HTATIP2: variants seen among roughly 807,000 people sequenced by gnomAD.
HTATIP2 encodes protein HTATIP2.
In HTATIP2, 26 loss-of-function variants were observed where a neutral mutation model predicts 24.7. That is an observed-to-expected ratio of 1.05 (90% CI 0.77 to 1.46). The LOEUF is 1.46. HTATIP2 is among the 40% of genes most tolerant of loss of function. The pLI, the probability that HTATIP2 is intolerant of heterozygous loss-of-function variation, is 0.00. For synonymous variants in HTATIP2, 99 were observed against 113.2 expected, an observed-to-expected ratio of 0.87 and a Z score of 0.79; for missense variants, 284 against 289.6, an observed-to-expected ratio of 0.98 and a Z score of 0.14.
intron 2 of HTATIP2, among the ~76,000 whole-genome samples, chr11:20,369,595 C>T (rs1278300732): frequency 6.6e-6 from 1 of 152,186 alleles, no homozygotes; most frequent in African/African-American, 2.4e-5. Context: ...CTTGAGTTTC[C>T]AGGCCCTCTC....
chr11:20,377,725 C>A (rs1052298172), intron 3 of HTATIP2, among the ~76,000 whole-genome samples: 9 of 152,210 alleles, frequency 5.9e-5, no homozygotes, highest in Non-Finnish European at 1.3e-4. Flanking sequence ...TATTTTGGGT[C>A]AGATCTACTT....
intron 2 of HTATIP2, among the ~76,000 whole-genome samples, chr11:20,368,197 T>C (rs7103934): frequency 6.6e-6 from 1 of 151,138 alleles, no homozygotes; most frequent in Non-Finnish European, 1.5e-5. Context: ...AAAGAAAAAA[T>C]ATATATATAT....
At chr11:20,364,748 A>C (rs1277669695) in intron 1 of HTATIP2, among the ~76,000 whole-genome samples, 1 of 152,154 alleles carries the variant, frequency 6.6e-6, no homozygotes, top group Non-Finnish European at 1.5e-5. Flanking sequence ...AGGGTCATAC[A>C]AGCTGTATTC....
intron 3 of HTATIP2, among the ~76,000 whole-genome samples, chr11:20,381,861 G>A (rs1592323073): frequency 6.6e-6 from 1 of 152,114 alleles, no homozygotes; most frequent in East Asian, 1.9e-4. Context: ...ACTAAATAGA[G>A]GATATTCTTT....
intron 1 of HTATIP2, among the ~76,000 whole-genome samples, chr11:20,366,480 T>G (rs2064708378): frequency 6.6e-6 from 1 of 152,148 alleles, no homozygotes; most frequent in Non-Finnish European, 1.5e-5. Flanking sequence ...TCGGAGTTCT[T>G]GGATGATAGG....
intron 2 of HTATIP2, 43 bp from the exon 3 acceptor site, chr11:20,376,537 C>A (rs1206478926): frequency 1.9e-6 from 3 of 1,611,612 alleles, no homozygotes; most frequent in Non-Finnish European, 2.5e-6. Context: ...TTAAGATGAA[C>A]TTGCTGCTTT....
intron 2 of HTATIP2, among the ~76,000 whole-genome samples, chr11:20,369,851 C>G (rs2064752780): frequency 1.3e-5 from 2 of 152,152 alleles, no homozygotes; most frequent in African/African-American, 2.4e-5. Flanking sequence ...GTAATCCAAC[C>G]CACAAAATTC....
intron 2 of HTATIP2, among the ~76,000 whole-genome samples, chr11:20,375,497 G>A (rs1848431728): frequency 6.6e-6 from 1 of 152,206 alleles, no homozygotes; most frequent in South Asian, 2.1e-4. Flanking sequence ...CTTGAACTCA[G>A]GAGGCAGAGG....
At position 20,374,197 on chromosome 11, in the gene HTATIP2, T is replaced by C. The variant is rs78310232; in HGVS notation, c.304-2383T>C. 7.8e-3 allele frequency among the ~76,000 whole-genome samples: 1,191 copies of C among 152,320 alleles called. 13 individuals are homozygous for C. The highest frequency in any genetic ancestry group is 0.021 in the African/African-American group (855 of 41,572). Reference sequence around the variant, plus strand: ...TGATCTTGGAACTGGTGGCAGAGCATGTTCAGTTTATGAAAATTTATTGAG... The same window carrying C: ...TGATCTTGGAACTGGTGGCAGAGCACGTTCAGTTTATGAAAATTTATTGAG... On this transcript the variant is annotated intron_variant, in intron 2 of 4. Coordinates refer to ENST00000451739, the MANE Select transcript of HTATIP2 (RefSeq NM_001098522.2).
At chr11:20,381,179 CT>C (rs1289686554) in intron 3 of HTATIP2, among the ~76,000 whole-genome samples, 4 of 152,284 alleles carry the variant, frequency 2.6e-5, no homozygotes, top group Non-Finnish European at 5.9e-5. Flanking sequence ...TGGCTCTCGC[CT>C]GTAATCCCAG....
chr11:20,376,226 A>G (rs146103255), intron 2 of HTATIP2: 39 of 237,966 alleles, frequency 1.6e-4, no homozygotes, highest in Non-Finnish European at 2.4e-4. Context: ...ACAGGAGTGT[A>G]AAGTTGTGAA....
intron 4 of HTATIP2, among the ~76,000 whole-genome samples, chr11:20,382,662 C>G (rs1003558280): frequency 6.6e-5 from 10 of 152,142 alleles, no homozygotes; most frequent in Non-Finnish European, 5.9e-5. Flanking sequence ...TCCTGGCTGG[C>G]AGACAGACCA....
intron 2 of HTATIP2, among the ~76,000 whole-genome samples, chr11:20,372,284 A>G (rs1252118698): frequency 2.0e-5 from 3 of 152,206 alleles, no homozygotes; most frequent in African/African-American, 7.2e-5. Context: ...AACTTGTCCT[A>G]TCAGTCAGCA....
At chr11:20,365,718 T>C (rs528764445) in intron 1 of HTATIP2, among the ~76,000 whole-genome samples, 2 of 152,190 alleles carry the variant, frequency 1.3e-5, no homozygotes, top group African/African-American at 4.8e-5. Flanking sequence ...ATGCCTGTAA[T>C]CCCAGAGCTT....
intron 2 of HTATIP2, among the ~76,000 whole-genome samples, chr11:20,373,309 C>T (rs1413255160): frequency 6.6e-6 from 1 of 152,126 alleles, no homozygotes. Context: ...GATGTGCCTT[C>T]GCTGACTAAT....
intron 1 of HTATIP2, among the ~76,000 whole-genome samples, chr11:20,365,648 G>A (rs962670770): frequency 6.6e-6 from 1 of 152,090 alleles, no homozygotes; most frequent in African/African-American, 2.4e-5. Flanking sequence ...CGGTTTCATG[G>A]GCTGTGTCAG....
intron 3 of HTATIP2, among the ~76,000 whole-genome samples, chr11:20,378,301 A>G (rs1261048928): frequency 1.3e-5 from 2 of 152,124 alleles, no homozygotes; most frequent in Non-Finnish European, 2.9e-5. Flanking sequence ...AAAGGAAAAA[A>G]TCTGTTTTCC....
chr11:20,363,850 T>C lies in HTATIP2; in HGVS notation c.-388T>C. On this transcript the variant is annotated 5_prime_UTR_variant, in exon 1 of 5. Transcript: ENST00000451739. ...CGGCGCTGAGCGCGGCGGCGGCGGCTGCTCTGGCGGCCGCCCTGCTCCTGC... is the reference window on the plus strand; with the variant it reads ...CGGCGCTGAGCGCGGCGGCGGCGGCCGCTCTGGCGGCCGCCCTGCTCCTGC... The C allele has an allele frequency of 8.0e-7, 1 of 1,243,892 alleles. No individual in the cohort carries two copies. The highest frequency in any genetic ancestry group is 1.0e-6 in the Non-Finnish European group (1 of 991,162). The allele number at this position is 1,243,892 out of a possible 1,614,324, so 77.1% of individuals were successfully genotyped here.
Position 20,364,399 on chromosome 11 carries a change from G to A in HTATIP2, c.162G>A (p.Lys54=), listed in dbSNP as rs1565180483. 8 of 1,609,982 alleles carry A rather than the reference G, an allele frequency of 5.0e-6. No homozygotes were observed. Among genetic ancestry groups the A allele is most frequent in the Non-Finnish European group, 6.8e-6 (8 of 1,177,052 alleles). ...AAGTCACGCTCATTGGCCGGAGGAAGCTCACCTTCGACGAGGAAGCTTATA... is the reference window on the plus strand; with the variant it reads ...AAGTCACGCTCATTGGCCGGAGGAAACTCACCTTCGACGAGGAAGCTTATA... The part of the protein sequence containing the change: ...FSKVTLIGRR[K]LTFDEEAYKN... Residue 54 remains lysine, a synonymous_variant, in exon 1 of 5, where the codon AAG becomes AAA. Transcript: ENST00000451739.
Sources: allele counts gnomAD v4.1 joint callset (sites outside exome capture counted in the v4.1 genomes callset), GRCh38; gene constraint gnomAD v4.1.1; transcripts MANE v1.5; gene names NCBI Gene and HGNC (gene_info 2026-07-23, HGNC 2026-07-21).